The following SDK2 variants were observed in gnomAD, a reference collection of about 807,000 sequenced individuals.
SDK2 encodes protein sidekick-2.
Under a neutral mutation model 253.9 loss-of-function variants are expected in SDK2, and 105 were observed. The ratio of observed to expected loss-of-function variants is 0.41; its 90% CI spans 0.35 to 0.49. SDK2 has a LOEUF of 0.49. SDK2 is among the 20% of genes least tolerant of loss of function. The probability of loss-of-function intolerance (pLI) is 0.06; values close to 1 mark genes in which losing one functional copy is unlikely to be tolerated. For missense variants in SDK2, 2,608 were observed against 3,003.0 expected (o/e 0.87, Z 3.07); for synonymous variants, 1,249 against 1,234.9 (o/e 1.01, Z -0.24).
At chr17:73,582,385 C>T (rs570072949) in intron 1 of SDK2, among the ~76,000 whole-genome samples, 15 of 152,220 alleles carry the variant, frequency 9.9e-5, no homozygotes, top group South Asian at 2.1e-4. Flanking sequence ...GTGCACACCA[C>T]GCAGGCATCA....
At chr17:73,557,191 C>A (rs1411787972) in intron 1 of SDK2, among the ~76,000 whole-genome samples, 1 of 152,220 alleles carries the variant, frequency 6.6e-6, no homozygotes, top group African/African-American at 2.4e-5. Context: ...AACTGAAGCT[C>A]ATGGAATGAC....
intron 1 of SDK2, among the ~76,000 whole-genome samples, chr17:73,593,164 C>G (rs1200357803): frequency 6.6e-6 from 1 of 152,182 alleles, no homozygotes; most frequent in African/African-American, 2.4e-5. Flanking sequence ...GGGTACCCCA[C>G]CCCACCCTCT....
chr17:73,486,536 G>A (rs890081430), intron 2 of SDK2, among the ~76,000 whole-genome samples: 2 of 150,622 alleles, frequency 1.3e-5, no homozygotes, highest in South Asian at 4.2e-4. Context: ...CTTGAGACCA[G>A]GAGTTGGAGG....
Position 73,379,685 on chromosome 17 carries a change from T to C in SDK2, c.4763-136A>G, listed in dbSNP as rs9914611. On this transcript the variant is annotated intron_variant, in intron 34 of 44. Transcript: ENST00000392650. This position sits in a 1 kb window ranked among gnomAD's most constrained non-coding sequence, Gnocchi z 4.5. ...TTCTAGCCCCCTCTGTGAAGGTGCA[T>C]GAAGGAGGAGGTGAGAGGCGGGGCC... 2 of 621,970 alleles carry C rather than the reference T, an allele frequency of 3.2e-6. No individual in the cohort carries two copies. The highest frequency in any genetic ancestry group is 1.8e-5 in the African/African-American group (1 of 54,354). 38.5% of individuals were successfully genotyped at this position (621,970 alleles called of 1,614,324 possible). A position where few individuals can be genotyped will look rare whatever the true frequency, so the allele number is the denominator to read the frequency against.
chr17:73,447,774 G>T lies in SDK2; in HGVS notation c.480-26C>A. 6.4e-7 allele frequency: 1 copy of T among 1,551,434 alleles called. No homozygotes were observed. Among genetic ancestry groups the T allele is most frequent in the Non-Finnish European group, 8.7e-7 (1 of 1,146,852 alleles). Reference sequence around the variant, plus strand: ...CTGGGAAGAGGAAAAGGATTCCTCTGACAGGGGCCTAAGGGGCTCTGAACC... The same window carrying T: ...CTGGGAAGAGGAAAAGGATTCCTCTTACAGGGGCCTAAGGGGCTCTGAACC... On this transcript the variant is annotated intron_variant, in intron 4 of 44. Coordinates refer to ENST00000392650, the MANE Select transcript of SDK2 (RefSeq NM_001144952.2). The surrounding 1 kb of genome is among the most constrained non-coding windows in gnomAD (Gnocchi z 4.0).
At chr17:73,590,094 C>T (rs543392746) in intron 1 of SDK2, among the ~76,000 whole-genome samples, 90 of 152,324 alleles carry the variant, frequency 5.9e-4, no homozygotes, top group Non-Finnish European at 9.8e-4. Flanking sequence ...CACACGGAAT[C>T]GAAGTCTGGG....
rs771079373 is a variant in SDK2 at position 73,438,077 on chromosome 17, C to T, written c.803G>A (p.Arg268Gln). 36 of 1,551,566 alleles carry T rather than the reference C, an allele frequency of 2.3e-5. No homozygotes were observed. Among genetic ancestry groups the T allele is most frequent in the East Asian group, 2.2e-4 (9 of 40,934 alleles). Reference protein sequence around the residue: ...LSGGISDHNRRLTIPNPTGSD... With the variant: ...LSGGISDHNRQLTIPNPTGSD... ...GCCGGTGGGGTTGGGGATGGTGAGC[C>T]GGCGGTTGTGGTCACTGATGCCGCC... The change falls in exon 7 of 45, where the codon CGG becomes CAG. Residue 268 changes from arginine (R) to glutamine (Q), a missense_variant. This residue lies in a region of SDK2 where 1,505 missense variants were observed against 1,859.1 expected (regional missense o/e 0.81). Transcript: ENST00000392650.
chr17:73,357,969 C>T (rs773516499), intron 40 of SDK2, 110 bp downstream of exon 40: 1 of 1,526,562 alleles, frequency 6.6e-7, no homozygotes, highest in South Asian at 1.1e-5. Flanking sequence ...CCTGTAGTAG[C>T]ACAAGCGCCT....
intron 18 of SDK2, among the ~76,000 whole-genome samples, chr17:73,408,857 G>A (rs879275495): frequency 2.0e-5 from 3 of 152,152 alleles, no homozygotes; most frequent in Admixed American, 1.3e-4. Context: ...CAGATTATGC[G>A]GCAATCAAGA....
rs530141536 is a variant in SDK2, at chr17:73,631,255, C to T, written c.64+12770G>A. Among the ~76,000 whole-genome samples, 372 of 152,336 alleles carry T rather than the reference C, an allele frequency of 2.4e-3. 1 individual carries two copies. Among genetic ancestry groups the T allele is most frequent in the African/African-American group, 8.4e-3 (351 of 41,576 alleles). On this transcript the variant is annotated intron_variant, in intron 1 of 44. Coordinates refer to ENST00000392650, the MANE Select transcript of SDK2 (RefSeq NM_001144952.2). ...CTCCTTGGCAGCCCAGGCCCCACAA[C>T]GGTCTGCCGGCCAACCCGCTCTCTG...
intron 1 of SDK2, among the ~76,000 whole-genome samples, chr17:73,515,963 T>C (rs1251981867): frequency 6.6e-6 from 1 of 152,096 alleles, no homozygotes; most frequent in Non-Finnish European, 1.5e-5. Flanking sequence ...CCCCTTTCTG[T>C]CACACAAACC....
intron 44 of SDK2, among the ~76,000 whole-genome samples, chr17:73,348,276 G>A (rs998573904): frequency 2.0e-5 from 3 of 152,190 alleles, no homozygotes; most frequent in South Asian, 2.1e-4. Context: ...CTCCCTCTCC[G>A]CACCTTCAGC....
intron 1 of SDK2, among the ~76,000 whole-genome samples, chr17:73,533,435 G>A (rs941856515): frequency 3.3e-5 from 5 of 152,246 alleles, no homozygotes; most frequent in Admixed American, 1.3e-4. Context: ...AGCCACACAG[G>A]TTTGTGTCCC....
At chr17:73,368,997 G>C (rs1326495488) in intron 36 of SDK2, among the ~76,000 whole-genome samples, 2 of 147,304 alleles carry the variant, frequency 1.4e-5, no homozygotes, top group Admixed American at 6.8e-5. Context: ...GGGTGACAGA[G>C]CAAGACTCCA....
At chr17:73,494,722 A>C (rs1413132222) in intron 2 of SDK2, among the ~76,000 whole-genome samples, 4 of 152,020 alleles carry the variant, frequency 2.6e-5, no homozygotes, top group Non-Finnish European at 5.9e-5. Context: ...TCTCCCTCCC[A>C]TCTGCCACCA....
chr17:73,368,489 G>A lies in SDK2; in HGVS notation c.5085C>T (p.Ala1695=), dbSNP rs146100082. Residue 1695 remains alanine (A), a synonymous_variant, in exon 37 of 45, where the codon GCC becomes GCT. Coordinates refer to ENST00000392650, the MANE Select transcript of SDK2 (RefSeq NM_001144952.2). ...TGAAGGCGGCCACGCTGACCATGTAGGCCGTGTAGCCAGTCAAGTTCTTGA... is the reference window on the plus strand; with the variant it reads ...TGAAGGCGGCCACGCTGACCATGTAAGCCGTGTAGCCAGTCAAGTTCTTGA... ...VKLKNLTGYT[A]YMVSVAAFNA... The A allele has an allele frequency of 6.2e-7, 1 of 1,610,768 alleles. No individual in the cohort carries two copies. The highest frequency in any genetic ancestry group is 2.2e-5 in the East Asian group (1 of 44,758).
chr17:73,577,470 G>C (rs906476974), intron 1 of SDK2, among the ~76,000 whole-genome samples: 1 of 152,186 alleles, frequency 6.6e-6, no homozygotes. Context: ...GGGGGAGAGA[G>C]GGTCCCCAGC....
At chr17:73,414,600 A>C in intron 18 of SDK2, 44 bp downstream of exon 18, 3 of 1,481,748 alleles carry the variant, frequency 2.0e-6, no homozygotes, top group Non-Finnish European at 2.8e-6. Context: ...CCCCCTCCAG[A>C]AGATCTTAGG....
chr17:73,485,559 T>C (rs528198824), intron 2 of SDK2, among the ~76,000 whole-genome samples: 1 of 152,280 alleles, frequency 6.6e-6, no homozygotes, highest in East Asian at 1.9e-4. Flanking sequence ...ACCAGGGCTA[T>C]AAAACAGAGC....
Sources: gnomAD v4.1 joint callset for allele counts (sites outside exome capture counted in the v4.1 genomes callset) on GRCh38, gnomAD v4.1.1 for gene constraint, gnomAD v4.1.1 regional missense constraint, Gnocchi (gnomAD v3.1) non-coding constraint, MANE v1.5 for transcripts, NCBI Gene and HGNC (gene_info 2026-07-23, HGNC 2026-07-21) for gene names.